The following SLC7A2 variants were observed in gnomAD, a reference collection of about 807,000 sequenced individuals.
SLC7A2 encodes the protein solute carrier family 7 member 2.
A neutral mutation model predicts 58.9 loss-of-function variants in SLC7A2; 48 were observed. The ratio of observed to expected loss-of-function variants is 0.82; its 90% CI spans 0.65 to 1.04. The LOEUF (loss-of-function observed/expected upper bound fraction) is 1.04, where lower values mean the gene tolerates loss of function less well. Among genes scored for constraint, SLC7A2 ranks in the 50% least tolerant of loss-of-function variants. The pLI is 0.00. For missense variants in SLC7A2, 1,029 were observed against 818.8 expected (o/e 1.26, Z -3.13); for synonymous variants, 363 against 314.5 (o/e 1.15, Z -1.63).
At chr8:17,495,964 G>A (rs1799947586), upstream of SLC7A2, among the ~76,000 whole-genome samples, 1 of 152,214 alleles carries the variant, frequency 6.6e-6, no homozygotes, top group Non-Finnish European at 1.5e-5. Context: ...TGATCTTGGG[G>A]ATATATGTCT....
intron 2 of SLC7A2, among the ~76,000 whole-genome samples, chr8:17,529,328 C>G (rs1422287900): frequency 6.6e-6 from 1 of 151,472 alleles, no homozygotes; most frequent in Non-Finnish European, 1.5e-5. Context: ...TTCTATCAAG[C>G]TCATTTCTAG....
chr8:17,500,320 G>A (rs942142624), intron 1 of SLC7A2: 1 of 152,174 alleles, frequency 6.6e-6, no homozygotes, highest in African/African-American at 2.4e-5. Context: ...TTTACTAGTA[G>A]TAACAAATTT....
chr8:17,562,592 A>T (rs982512934), intron 11 of SLC7A2, among the ~76,000 whole-genome samples: 7 of 152,092 alleles, frequency 4.6e-5, no homozygotes, highest in Non-Finnish European at 1.0e-4. Context: ...ACCTGCCTCA[A>T]CAACTTCTAA....
At chr8:17,551,015 A>G (rs1454352182) in intron 6 of SLC7A2, among the ~76,000 whole-genome samples, 1 of 152,220 alleles carries the variant, frequency 6.6e-6, no homozygotes. Context: ...AGAACTTTGT[A>G]CAAATAGGTG....
chr8:17,518,302 A>C (rs1216479409), intron 2 of SLC7A2, among the ~76,000 whole-genome samples: 1 of 151,794 alleles, frequency 6.6e-6, no homozygotes, highest in African/African-American at 2.4e-5. Flanking sequence ...TCAGTGTGCT[A>C]TATTAAGCTA....
At chr8:17,555,801 A>G (rs915778715) in intron 8 of SLC7A2, among the ~76,000 whole-genome samples, 1 of 152,156 alleles carries the variant, frequency 6.6e-6, no homozygotes, top group African/African-American at 2.4e-5. Context: ...CTTTGGCCAG[A>G]TCCTTATCTC....
chr8:17,501,575 A>T (rs1245726653), intron 1 of SLC7A2, among the ~76,000 whole-genome samples: 1 of 152,002 alleles, frequency 6.6e-6, no homozygotes, highest in African/African-American at 2.4e-5. Flanking sequence ...TATGGATGTG[A>T]TGTGTTGTGG....
intron 8 of SLC7A2, among the ~76,000 whole-genome samples, chr8:17,556,375 G>A (rs2150767562): frequency 6.6e-6 from 1 of 152,226 alleles, no homozygotes; most frequent in African/African-American, 2.4e-5. Flanking sequence ...TTGGTGGCAT[G>A]TTAAGATATT....
chr8:17,508,766 G>T (rs1800477204), intron 2 of SLC7A2, among the ~76,000 whole-genome samples: 1 of 152,000 alleles, frequency 6.6e-6, no homozygotes, highest in Admixed American at 6.6e-5. Context: ...AATTGGTCAA[G>T]TGGCTGAAGA....
chr8:17,564,765 C>G (rs1419311649), intron 12 of SLC7A2, among the ~76,000 whole-genome samples, 185 bp from the exon 13 acceptor site: 1 of 152,138 alleles, frequency 6.6e-6, no homozygotes, highest in African/African-American at 2.4e-5. Flanking sequence ...TGCTCACTTC[C>G]TGTTGTGTGG....
chr8:17,538,663 A>G (rs1428463367), intron 2 of SLC7A2: 4 of 683,568 alleles, frequency 5.9e-6, no homozygotes, highest in African/African-American at 1.9e-5. Flanking sequence ...TGGAACTTTA[A>G]CATTGTAGAA....
rs886882934 is a variant in SLC7A2 at position 17,568,496 on chromosome 8, C to A, written c.*3350C>A. The A allele has an allele frequency of 1.3e-5, 2 of 152,044 alleles. No individual in the cohort carries two copies. The highest frequency in any genetic ancestry group is 4.8e-5 in the African/African-American group (2 of 41,394). The allele number at this position is 152,044 out of a possible 1,614,324, so 9.4% of individuals were successfully genotyped here. A position where few individuals can be genotyped will look rare whatever the true frequency, so the allele number is the denominator to read the frequency against. On this transcript the variant is annotated 3_prime_UTR_variant, in exon 13 of 13. Transcript: ENST00000494857. ...TTAATATATAGAACTTTACCATCAC[C>A]AGCCGTAGTTGATAGAAAATATTAG...
intron 2 of SLC7A2, chr8:17,538,811 A>G: frequency 6.2e-7 from 1 of 1,613,782 alleles, no homozygotes; most frequent in Non-Finnish European, 8.5e-7. Context: ...CTCACCACGA[A>G]ACTAGCAACT....
upstream of SLC7A2, chr8:17,496,992 T>C (rs947354109): frequency 6.9e-6 from 1 of 144,872 alleles, no homozygotes; most frequent in Non-Finnish European, 1.5e-5. Flanking sequence ...GGGCTCGGGG[T>C]CGCGTTCCGG....
At position 17,544,550 on chromosome 8, in the gene SLC7A2, C is replaced by T. The variant is rs1739294383; in HGVS notation, c.476C>T (p.Thr159Ile). 4.3e-6 allele frequency: 7 copies of T among 1,614,010 alleles called. No individual in the cohort carries two copies. The highest frequency in any genetic ancestry group is 5.9e-6 in the Non-Finnish European group (7 of 1,179,934). Residue 159 changes from threonine to isoleucine, a missense_variant, in exon 4 of 13, where the codon ACT becomes ATT. Transcript: ENST00000494857. ...AGGACATACTTCAGAATGAATTACACTGGTCTTGCAGAATATCCCGATTTT... is the reference window on the plus strand; with the variant it reads ...AGGACATACTTCAGAATGAATTACATTGGTCTTGCAGAATATCCCGATTTT... Reference protein sequence around the residue: ...FLRTYFRMNYTGLAEYPDFFA... With the variant: ...FLRTYFRMNYIGLAEYPDFFA...
chr8:17,542,657 A>AAAAAAAAAAG (rs78569276), intron 2 of SLC7A2, among the ~76,000 whole-genome samples: 8 of 150,042 alleles, frequency 5.3e-5, no homozygotes, highest in Non-Finnish European at 7.4e-5. Flanking sequence ...TCTCAAAAAA[A>AAAAAAAAAAG]AAAGAAAAAG....
intron 10 of SLC7A2, 39 bp from the exon 11 acceptor site, chr8:17,561,905 A>G (rs763332130): frequency 2.5e-6 from 4 of 1,603,712 alleles, no homozygotes; most frequent in South Asian, 1.1e-5. Flanking sequence ...TGGGTGGAGC[A>G]CAGTGTGCTG....
chr8:17,557,599 G>C (rs961818436), intron 8 of SLC7A2, among the ~76,000 whole-genome samples: 1 of 152,188 alleles, frequency 6.6e-6, no homozygotes, highest in African/African-American at 2.4e-5. Context: ...GGGAGGCCGA[G>C]GCCAGTGGAT....
At chr8:17,511,145 A>G (rs575600060) in intron 2 of SLC7A2, 5 of 152,270 alleles carry the variant, frequency 3.3e-5, no homozygotes, top group African/African-American at 9.6e-5. Context: ...CAAATAGCTA[A>G]TGCATGCGGA....
Sources: gnomAD v4.1 joint callset for allele counts (sites outside exome capture counted in the v4.1 genomes callset) on GRCh38, gnomAD v4.1.1 for gene constraint, MANE v1.5 for transcripts, NCBI Gene and HGNC (gene_info 2026-07-23, HGNC 2026-07-21) for gene names.